Variants in PTPRK observed in about 807,000 individuals in gnomAD.
PTPRK encodes the protein receptor-type tyrosine-protein phosphatase kappa.
Under a neutral mutation model 178.0 loss-of-function variants are expected in PTPRK, and 75 were observed. The observed-to-expected ratio is 0.42, with a 90% CI of 0.35 to 0.51. PTPRK has a LOEUF of 0.51. Ranked by LOEUF, PTPRK falls within the 20% of genes least tolerant of loss-of-function variation. PTPRK has a pLI of 0.02. For synonymous variants in PTPRK, 637 were observed against 620.6 expected (o/e 1.03, Z -0.39); for missense variants, 1,441 against 1,797.8 (o/e 0.80, Z 3.59).
chr6:128,364,394 G>C (rs1835194966), intron 2 of PTPRK, among the ~76,000 whole-genome samples: 1 of 152,018 alleles, frequency 6.6e-6, no homozygotes, highest in Non-Finnish European at 1.5e-5. Flanking sequence ...TTGCCAGTTA[G>C]TTACAGAAGT....
chr6:128,276,462 G>C (rs1820741726), intron 3 of PTPRK, among the ~76,000 whole-genome samples: 1 of 152,070 alleles, frequency 6.6e-6, no homozygotes, highest in South Asian at 2.1e-4. Flanking sequence ...TGTAAAACTG[G>C]ACAGAAAGAA....
At chr6:128,213,744 T>G (rs575751933) in intron 6 of PTPRK, among the ~76,000 whole-genome samples, 1 of 152,126 alleles carries the variant, frequency 6.6e-6, no homozygotes, top group African/African-American at 2.4e-5. Context: ...TTGCTTCTTA[T>G]ATAAAAACAC....
chr6:128,511,066 C>G (rs569124472), intron 1 of PTPRK, among the ~76,000 whole-genome samples: 49 of 151,980 alleles, frequency 3.2e-4, no homozygotes, highest in Non-Finnish European at 6.5e-4. Flanking sequence ...AATACTGAGA[C>G]AAGGAAAATA....
intron 15 of PTPRK, chr6:128,000,099 T>C: frequency 1.0e-6 from 1 of 973,140 alleles, no homozygotes; most frequent in Non-Finnish European, 1.2e-6. Flanking sequence ...AACAAATGTT[T>C]TAAGGGGTGT....
At chr6:128,399,859 C>T (rs1840794373) in intron 1 of PTPRK, among the ~76,000 whole-genome samples, 1 of 152,166 alleles carries the variant, frequency 6.6e-6, no homozygotes, top group African/African-American at 2.4e-5. Context: ...TGTTGCACAT[C>T]CCTTCCCTAT....
chr6:128,407,558 G>A (rs542882072), intron 1 of PTPRK, among the ~76,000 whole-genome samples: 1 of 139,488 alleles, frequency 7.2e-6, no homozygotes, highest in East Asian at 2.2e-4. Context: ...AAGATATCTT[G>A]AGCCCAGGAA....
At chr6:128,063,740 C>T (rs988616707) in intron 13 of PTPRK, among the ~76,000 whole-genome samples, 2 of 152,050 alleles carry the variant, frequency 1.3e-5, no homozygotes, top group African/African-American at 2.4e-5. Flanking sequence ...ATTTTTTTCT[C>T]TTCCATAAAG....
chr6:128,472,192 GTTCT>G (rs1342979798), intron 1 of PTPRK, among the ~76,000 whole-genome samples: 4 of 152,066 alleles, frequency 2.6e-5, no homozygotes, highest in African/African-American at 7.2e-5. Context: ...TTCTAATTCT[GTTCT>G]TTGTTTCTCT....
At chr6:128,036,566 T>C (rs1414458517) in intron 13 of PTPRK, among the ~76,000 whole-genome samples, 2 of 152,216 alleles carry the variant, frequency 1.3e-5, no homozygotes, top group Non-Finnish European at 2.9e-5. Context: ...ATTTCCATTC[T>C]TCAGTCTATG....
intron 13 of PTPRK, among the ~76,000 whole-genome samples, chr6:128,023,500 A>G (rs898688068): frequency 6.6e-6 from 1 of 152,082 alleles, no homozygotes; most frequent in African/African-American, 2.4e-5. Flanking sequence ...TATGTTCACC[A>G]CTGAATTTGC....
At chr6:128,389,204 A>G (rs1398172236) in intron 2 of PTPRK, among the ~76,000 whole-genome samples, 2 of 152,074 alleles carry the variant, frequency 1.3e-5, no homozygotes, top group African/African-American at 4.8e-5. Flanking sequence ...GGTCTTTACA[A>G]CATACCACTC....
At chr6:128,374,171 C>G (rs189786683) in intron 2 of PTPRK, among the ~76,000 whole-genome samples, 1 of 152,058 alleles carries the variant, frequency 6.6e-6, no homozygotes, top group Non-Finnish European at 1.5e-5. Context: ...GTGCATATTC[C>G]TCTGATGGCA....
At chr6:127,986,009 T>C in intron 21 of PTPRK, 134 bp from the exon 22 acceptor site, 1 of 766,494 alleles carries the variant, frequency 1.3e-6, no homozygotes, top group Non-Finnish European at 1.8e-6. Context: ...ATGCCTTTTC[T>C]TAAAAAAAAA....
intron 3 of PTPRK, among the ~76,000 whole-genome samples, chr6:128,294,421 A>G (rs775383695): frequency 3.3e-5 from 5 of 151,886 alleles, no homozygotes; most frequent in Non-Finnish European, 5.9e-5. Context: ...ATGCTGTTTC[A>G]TATCTATTTC....
chr6:128,087,996 A>C (rs1225104471), intron 8 of PTPRK, among the ~76,000 whole-genome samples: 1 of 152,182 alleles, frequency 6.6e-6, no homozygotes, highest in Non-Finnish European at 1.5e-5. Flanking sequence ...GTAGGCACCA[A>C]AAGACACACC....
At chr6:128,192,903 AGGAAG>A (rs1804083251) in intron 6 of PTPRK, among the ~76,000 whole-genome samples, 1 of 145,752 alleles carries the variant, frequency 6.9e-6, no homozygotes, top group Non-Finnish European at 1.5e-5. Context: ...GGAGGAAGGG[AGGAAG>A]AGAAGAAGGG....
In PTPRK at chr6:127,985,777, G is replaced by T; in HGVS notation, c.3195C>A (p.Ile1065=). 2 of 1,613,878 alleles carry T rather than the reference G, an allele frequency of 1.2e-6. No individual in the cohort carries two copies. The highest frequency in any genetic ancestry group is 1.7e-5 in the Admixed American group (1 of 60,008). ...GAGGGTTTGATAACTTGACTCGCCG[G>T]ATAAAGGAAAGCAGCCCTGTAGCAT... is the stretch of plus-strand genomic sequence containing the variant. The part of the protein sequence containing the change: ...PYHATGLLSF[I]RRVKLSNPPS... The change falls in exon 22 of 30, where the codon ATC becomes ATA. Residue 1065 remains isoleucine, a synonymous_variant. Transcript: ENST00000368226.
intron 3 of PTPRK, among the ~76,000 whole-genome samples, chr6:128,308,425 T>C (rs1037608691): frequency 4.6e-5 from 7 of 151,766 alleles, no homozygotes; most frequent in African/African-American, 9.7e-5. Context: ...CAAAAATAAA[T>C]ATTAATAAAA....
At chr6:127,991,888 G>A (rs995295797) in intron 19 of PTPRK, among the ~76,000 whole-genome samples, 9 of 151,420 alleles carry the variant, frequency 5.9e-5, no homozygotes, top group Non-Finnish European at 1.2e-4. Flanking sequence ...GTTCTCTACC[G>A]AATACCATAA....
Sources: allele counts gnomAD v4.1 joint callset (sites outside exome capture counted in the v4.1 genomes callset), GRCh38; gene constraint gnomAD v4.1.1; transcripts MANE v1.5; gene names NCBI Gene and HGNC (gene_info 2026-07-23, HGNC 2026-07-21).